The following KCNH8 variants were observed in gnomAD, a reference collection of about 807,000 sequenced individuals.
KCNH8 encodes potassium voltage-gated channel subfamily H member 8, also known as voltage-gated delayed rectifier potassium channel KCNH8.
In KCNH8, 70 loss-of-function variants were observed where a neutral mutation model predicts 103.6. That is an observed-to-expected ratio of 0.68 (90% CI 0.56 to 0.82). The LOEUF is 0.82. KCNH8 is among the 40% of genes least tolerant of loss of function. The pLI, the probability that KCNH8 is intolerant of heterozygous loss-of-function variation, is 0.00. For missense variants in KCNH8, 1,217 were observed against 1,329.9 expected, an observed-to-expected ratio of 0.92 and a Z score of 1.32; for synonymous variants, 498 against 489.4, an observed-to-expected ratio of 1.02 and a Z score of -0.23.
intron 1 of KCNH8, among the ~76,000 whole-genome samples, chr3:19,245,173 A>G (rs2064188574): frequency 6.6e-6 from 1 of 152,186 alleles, no homozygotes; most frequent in South Asian, 2.1e-4. Flanking sequence ...TCTTCTGCAT[A>G]TGGCTAACCA....
At chr3:19,283,146 A>G (rs2064779210) in intron 3 of KCNH8, among the ~76,000 whole-genome samples, 1 of 152,192 alleles carries the variant, frequency 6.6e-6, no homozygotes, top group Admixed American at 6.6e-5. Context: ...TAGCTAAGTT[A>G]AGGAGCAGAG....
At chr3:19,423,727 G>C (rs1415987577) in intron 7 of KCNH8, among the ~76,000 whole-genome samples, 1 of 151,986 alleles carries the variant, frequency 6.6e-6, no homozygotes, top group Non-Finnish European at 1.5e-5. Context: ...ATTGCGAATT[G>C]TGCTGCTGTA....
intron 1 of KCNH8, among the ~76,000 whole-genome samples, chr3:19,194,262 T>A (rs1032507480): frequency 2.0e-5 from 3 of 151,898 alleles, no homozygotes; most frequent in African/African-American, 7.2e-5. Flanking sequence ...TATTGGCTCT[T>A]GATAACATTT....
intron 15 of KCNH8, among the ~76,000 whole-genome samples, chr3:19,520,478 A>G (rs1430388565): frequency 6.6e-6 from 1 of 151,948 alleles, no homozygotes; most frequent in Non-Finnish European, 1.5e-5. Context: ...TAAAAATACA[A>G]ATGGACTTCA....
intron 3 of KCNH8, among the ~76,000 whole-genome samples, chr3:19,330,728 A>C (rs2065493564): frequency 6.6e-6 from 1 of 152,290 alleles, no homozygotes; most frequent in East Asian, 1.9e-4. Flanking sequence ...GTACAAACAT[A>C]GGAGGGTCTT....
At position 19,388,953 on chromosome 3, in the gene KCNH8, T is replaced by G. The variant is rs190406489; in HGVS notation, c.812-1528T>G. On this transcript the variant is annotated intron_variant, in intron 5 of 15. Transcript: ENST00000328405. ...AGGAGATAATAGAAATGATTACCTCTTAGCATTGTTGTAAGGCATCAATGA... is the reference window on the plus strand; with the variant it reads ...AGGAGATAATAGAAATGATTACCTCGTAGCATTGTTGTAAGGCATCAATGA... Among the ~76,000 whole-genome samples, 14 of 152,266 alleles carry G rather than the reference T, an allele frequency of 9.2e-5. No individual in the cohort carries two copies. In the East Asian group the frequency reaches 2.7e-3, roughly 29 times the overall value.
Position 19,179,849 on chromosome 3 carries a change from T to A in KCNH8, c.76+31054T>A, listed in dbSNP as rs188055311. Among the ~76,000 whole-genome samples the A allele has an allele frequency of 1.9e-3, 290 of 152,180 alleles. 7 individuals are homozygous for A. In the East Asian group the frequency reaches 0.051, roughly 27 times the overall value. ...ATGGAAATTATGTAAATGACATTCG[T>A]GGTGGTTTTGCAGTAGAGTTGGTAA... On this transcript the variant is annotated intron_variant, in intron 1 of 15. Coordinates refer to ENST00000328405, the MANE Select transcript of KCNH8 (RefSeq NM_144633.3).
At chr3:19,326,446 C>G (rs2065426545) in intron 3 of KCNH8, among the ~76,000 whole-genome samples, 1 of 149,892 alleles carries the variant, frequency 6.7e-6, no homozygotes, top group Non-Finnish European at 1.5e-5. Flanking sequence ...TGACCAGAGC[C>G]AAGGCTCTGC....
At chr3:19,436,940 ACT>A (rs1217134602) in intron 7 of KCNH8, among the ~76,000 whole-genome samples, 9 of 152,142 alleles carry the variant, frequency 5.9e-5, no homozygotes, top group South Asian at 2.1e-4. Flanking sequence ...GTTGAAAAAC[ACT>A]CTGTAGCAAC....
chr3:19,506,839 C>G (rs2068702560), intron 11 of KCNH8, among the ~76,000 whole-genome samples: 1 of 151,900 alleles, frequency 6.6e-6, no homozygotes, highest in South Asian at 2.1e-4. Context: ...TGGGGGCACC[C>G]TACCTGATAA....
rs59768467 is a variant in KCNH8, at chr3:19,276,175, ATGTGTGTGTG to A, written c.311-4995_311-4986del. ...TCCCCACTCCCACCCCAATATGTATATGTGTGTGTGTGTGTGTGTGTGTGTGTGTGTGTGT... is the reference window on the plus strand; with the variant it reads ...TCCCCACTCCCACCCCAATATGTATATGTGTGTGTGTGTGTGTGTGTGTGT... On this transcript the variant is annotated intron_variant, in intron 2 of 15. Transcript: ENST00000328405. 9.2e-4 allele frequency among the ~76,000 whole-genome samples: 130 copies of A among 141,978 alleles called. 1 individual carries two copies. The highest frequency in any genetic ancestry group is 7.5e-3 in the South Asian group (32 of 4,284). The allele number at this position is 141,978 out of a possible 152,430, so 93.1% of individuals were successfully genotyped here.
chr3:19,494,776 G>A (rs936876113), intron 11 of KCNH8, among the ~76,000 whole-genome samples: 3 of 152,054 alleles, frequency 2.0e-5, no homozygotes, highest in African/African-American at 4.8e-5. Context: ...AGGAGTCACC[G>A]CACTTCTTTC....
chr3:19,498,550 T>C (rs2068498019), intron 11 of KCNH8, among the ~76,000 whole-genome samples: 1 of 152,222 alleles, frequency 6.6e-6, no homozygotes, highest in Admixed American at 6.5e-5. Flanking sequence ...ATTATTTTCT[T>C]TGATCGTCTG....
rs1220385494 is a variant in KCNH8, at chr3:19,300,020, G to A, written c.442+18691G>A. 1.1e-4 allele frequency among the ~76,000 whole-genome samples: 17 copies of A among 151,980 alleles called. 1 individual carries two copies. Among genetic ancestry groups the A allele is most frequent in the Admixed American group, 9.2e-4 (14 of 15,260 alleles). ...TCCCAGCCCTTTGGGTGGCCAAGGC[G>A]GGTGGATCACCTGAGGTTAGGGGTT... On this transcript the variant is annotated intron_variant, in intron 3 of 15. Transcript: ENST00000328405.
chr3:19,400,690 AT>A (rs2066599627), intron 7 of KCNH8, among the ~76,000 whole-genome samples: 1 of 151,834 alleles, frequency 6.6e-6, no homozygotes, highest in African/African-American at 2.4e-5. Flanking sequence ...TCATTTTCAA[AT>A]TTTCATTGAC....
intron 1 of KCNH8, among the ~76,000 whole-genome samples, chr3:19,244,267 G>C (rs1575464137): frequency 6.6e-6 from 1 of 152,196 alleles, no homozygotes; most frequent in Non-Finnish European, 1.5e-5. Flanking sequence ...TGTTGAAAGG[G>C]GGAAGCTATG....
At chr3:19,423,813 G>C (rs944110196) in intron 7 of KCNH8, among the ~76,000 whole-genome samples, 3 of 152,036 alleles carry the variant, frequency 2.0e-5, no homozygotes, top group Non-Finnish European at 4.4e-5. Flanking sequence ...TGGGATTCCT[G>C]GATCAAATGG....
intron 3 of KCNH8, among the ~76,000 whole-genome samples, chr3:19,297,988 T>A (rs1267092188): frequency 6.6e-6 from 1 of 152,234 alleles, no homozygotes; most frequent in Non-Finnish European, 1.5e-5. Context: ...TTTGCTGGTG[T>A]TTTTTGGTGT....
intron 3 of KCNH8, among the ~76,000 whole-genome samples, chr3:19,289,143 T>A (rs1461473260): frequency 1.3e-5 from 2 of 152,094 alleles, no homozygotes; most frequent in East Asian, 3.9e-4. Flanking sequence ...GTCAGATGAG[T>A]AGATTGCAAA....
Sources: gnomAD v4.1 joint callset for allele counts (sites outside exome capture counted in the v4.1 genomes callset) on GRCh38, gnomAD v4.1.1 for gene constraint, MANE v1.5 for transcripts, NCBI Gene and HGNC (gene_info 2026-07-23, HGNC 2026-07-21) for gene names.